Variants in STK35 observed in about 807,000 individuals in gnomAD.
The protein encoded by STK35 is serine/threonine-protein kinase 35.
A neutral mutation model predicts 37.3 loss-of-function variants in STK35; 17 were observed. The ratio of observed to expected loss-of-function variants is 0.46; its 90% CI spans 0.31 to 0.68. The LOEUF (loss-of-function observed/expected upper bound fraction) is 0.68, where lower values mean the gene tolerates loss of function less well. Among genes scored for constraint, STK35 ranks in the 30% least tolerant of loss-of-function variants. The probability of loss-of-function intolerance (pLI) is 0.05; values close to 1 mark genes in which losing one functional copy is unlikely to be tolerated. For missense variants in STK35, 595 were observed against 746.7 expected, an observed-to-expected ratio of 0.80 and a Z score of 2.37; for synonymous variants, 385 against 319.1, an observed-to-expected ratio of 1.21 and a Z score of -2.20.
At chr20:2,109,749 C>A (rs1210907894) in intron 2 of STK35, among the ~76,000 whole-genome samples, 1 of 152,168 alleles carries the variant, frequency 6.6e-6, no homozygotes, top group East Asian at 1.9e-4. Flanking sequence ...CACAGTTAAG[C>A]CTTAGAGCAG....
At chr20:2,139,427 A>G (rs903788449) in intron 3 of STK35, among the ~76,000 whole-genome samples, 2 of 152,162 alleles carry the variant, frequency 1.3e-5, no homozygotes, top group Non-Finnish European at 1.5e-5. Flanking sequence ...GAGTGAGTCT[A>G]TTTATAAATG....
chr20:2,123,829 T>C (rs1255632117), intron 3 of STK35, among the ~76,000 whole-genome samples: 1 of 152,118 alleles, frequency 6.6e-6, no homozygotes, highest in Non-Finnish European at 1.5e-5. Context: ...AGCTCCTGCC[T>C]TACAGGACTG....
At position 2,146,761 on chromosome 20, in the gene STK35, C is replaced by T. The variant is rs1986276423; in HGVS notation, c.*3015C>T. On this transcript the variant is annotated 3_prime_UTR_variant, in exon 4 of 4. Transcript: ENST00000381482. Reference sequence around the variant, plus strand: ...GGCTGTAGCCAGGTCCGCATCTCCCCACCACCACCAGGGCACTCACTCGCA... The same window carrying T: ...GGCTGTAGCCAGGTCCGCATCTCCCTACCACCACCAGGGCACTCACTCGCA... The T allele has an allele frequency of 6.5e-6, 1 of 152,816 alleles. No individual in the cohort carries two copies. The highest frequency in any genetic ancestry group is 2.4e-5 in the African/African-American group (1 of 41,446). 9.5% of individuals were successfully genotyped at this position (152,816 alleles called of 1,614,324 possible). A position where few individuals can be genotyped will look rare whatever the true frequency, so the allele number is the denominator to read the frequency against.
chr20:2,122,137 C>T (rs556070267), intron 3 of STK35, among the ~76,000 whole-genome samples: 3 of 152,222 alleles, frequency 2.0e-5, no homozygotes, highest in Admixed American at 6.5e-5. Flanking sequence ...AGTTTGAGAC[C>T]AGCCTGGGCA....
intron 3 of STK35, among the ~76,000 whole-genome samples, chr20:2,123,613 C>T (rs1460914212): frequency 6.6e-6 from 1 of 152,072 alleles, no homozygotes; most frequent in Admixed American, 6.5e-5. Flanking sequence ...GTTACGCACG[C>T]TATAGCTACC....
intron 3 of STK35, among the ~76,000 whole-genome samples, chr20:2,122,516 C>G (rs1471469753): frequency 6.6e-6 from 1 of 152,114 alleles, no homozygotes; most frequent in Non-Finnish European, 1.5e-5. Context: ...CCTGGGATTC[C>G]CCTGAAAGAA....
intron 3 of STK35, among the ~76,000 whole-genome samples, chr20:2,122,194 T>C (rs1985830679): frequency 6.6e-6 from 1 of 151,958 alleles, no homozygotes; most frequent in African/African-American, 2.4e-5. Context: ...ATTAGCCAGG[T>C]GTGGTGGCAC....
At chr20:2,132,305 A>G (rs1375544849) in intron 3 of STK35, among the ~76,000 whole-genome samples, 2 of 152,256 alleles carry the variant, frequency 1.3e-5, no homozygotes, top group African/African-American at 4.8e-5. Context: ...AGGACACATG[A>G]CTTAAGATGG....
intron 3 of STK35, among the ~76,000 whole-genome samples, chr20:2,131,517 A>C (rs1985999723): frequency 6.6e-6 from 1 of 152,044 alleles, no homozygotes; most frequent in African/African-American, 2.4e-5. Context: ...TAGGGCACTT[A>C]CTATGAATAG....
In STK35 at chr20:2,102,144, G is replaced by C. The variant is rs747990337; in HGVS notation, c.263G>C (p.Arg88Pro). The part of the protein sequence containing the change: ...HPQAGAPGGK[R>P]AARKWRCAGQ... ...CAGGCAGGGGCTCCAGGGGGGAAACGGGCCGCCCGGAAGTGGAGGTGCGCG... is the reference window on the plus strand; with the variant it reads ...CAGGCAGGGGCTCCAGGGGGGAAACCGGCCGCCCGGAAGTGGAGGTGCGCG... The change falls in exon 1 of 4, where the codon CGG (arginine) becomes CCG (proline). Residue 88 changes from arginine to proline, a missense_variant. Physicochemically the swap from Arg to Pro is moderately radical, Grantham distance 103. Coordinates refer to ENST00000381482, the MANE Select transcript of STK35 (RefSeq NM_080836.4). 1 of 1,383,896 alleles carries C rather than the reference G, an allele frequency of 7.2e-7. No individual in the cohort carries two copies. Among genetic ancestry groups the C allele is most frequent in the East Asian group, 3.0e-5 (1 of 33,570 alleles). The allele number at this position is 1,383,896 out of a possible 1,614,324, so 85.7% of individuals were successfully genotyped here. A position where few individuals can be genotyped will look rare whatever the true frequency, so the allele number is the denominator to read the frequency against.
At chr20:2,114,076 C>T (rs910799073) in intron 2 of STK35, among the ~76,000 whole-genome samples, 1 of 152,138 alleles carries the variant, frequency 6.6e-6, no homozygotes, top group African/African-American at 2.4e-5. Flanking sequence ...CTGGCATCAT[C>T]CACGTCGCCT....
In STK35 at chr20:2,117,112, A is replaced by G. The variant is rs1985730434; in HGVS notation, c.1339A>G (p.Met447Val). The change falls in exon 3 of 4, where the codon ATG becomes GTG. Residue 447 changes from methionine to valine, a missense_variant. Met to Val is a conservative substitution (Grantham distance 21). Coordinates refer to ENST00000381482, the MANE Select transcript of STK35 (RefSeq NM_080836.4). The surrounding 1 kb of genome is among the most constrained non-coding windows in gnomAD (Gnocchi z 4.4). ...IFALGIIIWA[M>V]IERITFIDSE... ...TGCCCTGGGCATTATCATCTGGGCA[A>G]TGATAGAAAGAATCACTTTTATTGA... 1 of 1,613,864 alleles carries G rather than the reference A, an allele frequency of 6.2e-7. No homozygotes were observed. Among genetic ancestry groups the G allele is most frequent in the South Asian group, 1.1e-5 (1 of 91,072 alleles).
Position 2,103,286 on chromosome 20 carries a change from C to T in STK35, c.813C>T (p.Arg271=), listed in dbSNP as rs1409094454. ...VVQFEECVLQ[R]NGLAQRMSHG... is the part of the protein sequence containing the mutation. ...AGTTTGAGGAGTGCGTCCTGCAGCG[C>T]AATGGGTTAGCCCAGCGCATGAGTC... Residue 271 remains arginine (R), a synonymous_variant, in exon 2 of 4, where the codon CGC becomes CGT. Coordinates refer to ENST00000381482, the MANE Select transcript of STK35 (RefSeq NM_080836.4). The T allele has an allele frequency of 6.8e-6, 11 of 1,613,070 alleles. No individual in the cohort carries two copies. The highest frequency in any genetic ancestry group is 1.7e-5 in the Admixed American group (1 of 59,946).
chr20:2,143,839 G>A lies in STK35; in HGVS notation c.*93G>A, dbSNP rs528659886. 62 of 428,046 alleles carry A rather than the reference G, an allele frequency of 1.4e-4. 1 individual carries two copies. Among genetic ancestry groups the A allele is most frequent in the South Asian group, 1.1e-3 (62 of 58,870 alleles). 26.5% of individuals were successfully genotyped at this position (428,046 alleles called of 1,614,324 possible). On this transcript the variant is annotated 3_prime_UTR_variant, in exon 4 of 4. Transcript: ENST00000381482. The stretch of plus-strand genomic sequence containing the variant: ...CGTCTCCTCCAGAGGACGGCAGAGG[G>A]TACAGGTGGTGGCCTGGCCGGTTGG...
At chr20:2,131,849 G>A (rs768547902) in intron 3 of STK35, among the ~76,000 whole-genome samples, 5 of 152,056 alleles carry the variant, frequency 3.3e-5, no homozygotes, top group East Asian at 1.9e-4. Flanking sequence ...CTCCCAAAGC[G>A]CTGGGCTTAC....
At chr20:2,137,906 G>A (rs763613069) in intron 3 of STK35, among the ~76,000 whole-genome samples, 31 of 152,172 alleles carry the variant, frequency 2.0e-4, no homozygotes, top group Non-Finnish European at 1.8e-4. Flanking sequence ...GAGGACTGCC[G>A]TCTGTGACCC....
At chr20:2,138,267 T>G (rs1986118370) in intron 3 of STK35, among the ~76,000 whole-genome samples, 1 of 151,854 alleles carries the variant, frequency 6.6e-6, no homozygotes, top group African/African-American at 2.4e-5. Flanking sequence ...AATCTGAGAG[T>G]CAGGATAGAA....
chr20:2,111,581 C>G (rs975030190), intron 2 of STK35, among the ~76,000 whole-genome samples: 2 of 152,062 alleles, frequency 1.3e-5, no homozygotes, highest in Non-Finnish European at 2.9e-5. Flanking sequence ...GGTTGTAATC[C>G]CCACTACTCT....
At chr20:2,131,599 A>G (rs1393570004) in intron 3 of STK35, among the ~76,000 whole-genome samples, 1 of 152,216 alleles carries the variant, frequency 6.6e-6, no homozygotes, top group African/African-American at 2.4e-5. Context: ...GGCCTAGGAC[A>G]TTACTGTACA....
Sources: allele counts gnomAD v4.1 joint callset (sites outside exome capture counted in the v4.1 genomes callset), GRCh38; gene constraint gnomAD v4.1.1; non-coding constraint Gnocchi (gnomAD v3.1); transcripts MANE v1.5; gene names NCBI Gene and HGNC (gene_info 2026-07-23, HGNC 2026-07-21).